Variants in SARDH observed in about 807,000 individuals in gnomAD.
The protein encoded by SARDH is sarcosine dehydrogenase, mitochondrial.
Under a neutral mutation model 109.1 loss-of-function variants are expected in SARDH, and 95 were observed. The ratio of observed to expected loss-of-function variants is 0.87; its 90% confidence interval spans 0.74 to 1.03. The LOEUF is 1.03. SARDH is among the 50% of genes least tolerant of loss of function. SARDH has a pLI of 0.00. For synonymous variants in SARDH, 572 were observed against 534.8 expected, an observed-to-expected ratio of 1.07 and a Z score of -0.96; for missense variants, 1,267 against 1,287.8, an observed-to-expected ratio of 0.98 and a Z score of 0.25.
At chr9:133,700,398 C>T (rs149619135) in intron 13 of SARDH, among the ~76,000 whole-genome samples, 251 of 151,448 alleles carry the variant, frequency 1.7e-3, no homozygotes, top group African/African-American at 5.9e-3. Context: ...ACACACACTA[C>T]GACATGAATG....
chr9:133,660,192 G>A (rs541366303), downstream of SARDH, among the ~76,000 whole-genome samples: 173 of 152,036 alleles, frequency 1.1e-3, no homozygotes, highest in Non-Finnish European at 2.0e-3. Flanking sequence ...GCGTAACCCC[G>A]TGGTTGCTGA....
intron 20 of SARDH, among the ~76,000 whole-genome samples, chr9:133,665,993 A>G (rs1457578223): frequency 6.6e-6 from 1 of 152,166 alleles, no homozygotes; most frequent in Non-Finnish European, 1.5e-5. Context: ...AAGATGGGAA[A>G]AGGAGGTGGA....
intron 3 of SARDH, among the ~76,000 whole-genome samples, 193 bp downstream of exon 3, chr9:133,732,230 T>G (rs888544494): frequency 6.6e-6 from 1 of 151,190 alleles, no homozygotes; most frequent in Non-Finnish European, 1.5e-5. Flanking sequence ...GGAAGCAGAC[T>G]CATCCACACG....
downstream of SARDH, among the ~76,000 whole-genome samples, chr9:133,662,341 G>A (rs1026069671): frequency 2.6e-5 from 4 of 152,128 alleles, no homozygotes; most frequent in Admixed American, 6.5e-5. This position sits in a 1 kb window ranked among gnomAD's most constrained non-coding sequence, Gnocchi z 5.1. Flanking sequence ...TGTGGTCACC[G>A]GCCCAATCCA....
At chr9:133,681,912 TC>T (rs950443975) in intron 17 of SARDH, among the ~76,000 whole-genome samples, 3 of 133,280 alleles carry the variant, frequency 2.3e-5, no homozygotes, top group Non-Finnish European at 5.0e-5. Context: ...GTGTTTCCCC[TC>T]CCCCCCATCC....
intron 2 of SARDH, among the ~76,000 whole-genome samples, chr9:133,733,096 G>C (rs1191792216): frequency 6.6e-6 from 1 of 152,212 alleles, no homozygotes; most frequent in Non-Finnish European, 1.5e-5. Context: ...CTGGCGAAAC[G>C]TCAGGGAAGA....
chr9:133,671,286 G>A (rs1188368742), intron 18 of SARDH, among the ~76,000 whole-genome samples: 1 of 152,122 alleles, frequency 6.6e-6, no homozygotes, highest in African/African-American at 2.4e-5. Flanking sequence ...GAGTTCAGGT[G>A]TGTGTAGGTG....
rs949279165 is a variant in SARDH, at chr9:133,728,902, G to A, written c.915+863C>T. Among the ~76,000 whole-genome samples, 5 of 152,080 alleles carry A rather than the reference G, an allele frequency of 3.3e-5. No homozygotes were observed. Among genetic ancestry groups the A allele is most frequent in the African/African-American group, 1.2e-4 (5 of 41,386 alleles). ...AGTTTAGGTGGGTGGGTGGATGGAA[G>A]GATATATGAAAGAAGGGATGGACAG... is the stretch of plus-strand genomic sequence containing the variant. On this transcript the variant is annotated intron_variant, in intron 6 of 20. Coordinates refer to ENST00000439388, the MANE Select transcript of SARDH (RefSeq NM_001134707.2). The surrounding 1 kb of genome is among the most constrained non-coding windows in gnomAD (Gnocchi z 5.0).
Position 133,702,897 on chromosome 9 carries a change from G to A in SARDH, c.1668+19C>T. On this transcript the variant is annotated intron_variant, in intron 13 of 20. Coordinates refer to ENST00000439388, the MANE Select transcript of SARDH (RefSeq NM_001134707.2). ...ACAGGCAGAAGGACGGACCCCCACGGTGGACCCCAGCTACGCACCGTGTCG... is the reference window on the plus strand; with the variant it reads ...ACAGGCAGAAGGACGGACCCCCACGATGGACCCCAGCTACGCACCGTGTCG... 3 of 1,606,814 alleles carry A rather than the reference G, an allele frequency of 1.9e-6. No homozygotes were observed. The highest frequency in any genetic ancestry group is 2.5e-6 in the Non-Finnish European group (3 of 1,177,326).
Position 133,733,864 on chromosome 9 carries a change from C to T in SARDH, c.310G>A (p.Gly104Arg), listed in dbSNP as rs750973482. The change falls in exon 2 of 21, where the codon GGG becomes AGG. Residue 104 changes from glycine (G) to arginine (R), a missense_variant. By Grantham distance (125) the Gly-to-Arg change is moderately radical (BLOSUM62 -2). Transcript: ENST00000439388. ...CTACCTGCCGTGTGCCAGGTGGTCC[C>T]GGAGGTCAGCCGCTCCCGCTCCAGC... The part of the protein sequence containing the change: ...VLLERERLTS[G>R]TTWHTAGLLW... 9 of 1,478,282 alleles carry T rather than the reference C, an allele frequency of 6.1e-6. No homozygotes were observed. In the East Asian group the frequency reaches 9.8e-5, roughly 16 times the overall value. The allele number at this position is 1,478,282 out of a possible 1,614,324, so 91.6% of individuals were successfully genotyped here. A position where few individuals can be genotyped will look rare whatever the true frequency, so the allele number is the denominator to read the frequency against.
intron 20 of SARDH, among the ~76,000 whole-genome samples, 172 bp from the exon 21 acceptor site, chr9:133,664,186 G>A (rs1829977752): frequency 6.6e-6 from 1 of 152,218 alleles, no homozygotes; most frequent in African/African-American, 2.4e-5. Flanking sequence ...AGCAGGTGCA[G>A]TTCGTGTCCA....
intron 10 of SARDH, among the ~76,000 whole-genome samples, chr9:133,711,812 C>T (rs1270413161): frequency 1.3e-5 from 2 of 152,178 alleles, no homozygotes; most frequent in Admixed American, 6.5e-5. Flanking sequence ...TCCAAGCCGT[C>T]CTGCCTCGAC....
intron 14 of SARDH, 147 bp downstream of exon 14, chr9:133,696,075 GA>G: frequency 1.3e-6 from 1 of 788,502 alleles, no homozygotes; most frequent in South Asian, 1.7e-5. Flanking sequence ...AAGGGGGCCG[GA>G]CGGGGGGGAG....
At chr9:133,670,837 A>AC in intron 18 of SARDH, 85 bp from the exon 19 acceptor site, 1 of 1,414,986 alleles carries the variant, frequency 7.1e-7, no homozygotes. Flanking sequence ...GCCTAAACCC[A>AC]CCCCCTCCAG....
At chr9:133,667,572 CA>C (rs796833527) in intron 19 of SARDH, among the ~76,000 whole-genome samples, 490 of 138,096 alleles carry the variant, frequency 3.5e-3, no homozygotes, top group Middle Eastern at 7.2e-3. Context: ...AGCAGGAAGA[CA>C]AAAAAAAAAA....
intron 14 of SARDH, among the ~76,000 whole-genome samples, chr9:133,695,286 T>C (rs1428482473): frequency 1.3e-5 from 2 of 151,874 alleles, no homozygotes; most frequent in Non-Finnish European, 2.9e-5. Flanking sequence ...CTACTAAAAA[T>C]AGAAAAAATA....
intron 6 of SARDH, among the ~76,000 whole-genome samples, chr9:133,719,827 A>T (rs1832261907): frequency 6.6e-6 from 1 of 152,014 alleles, no homozygotes; most frequent in Non-Finnish European, 1.5e-5. Flanking sequence ...AAACAAAACC[A>T]CAGGCCAGGC....
intron 14 of SARDH, among the ~76,000 whole-genome samples, chr9:133,695,908 G>T (rs1447980147): frequency 6.6e-6 from 1 of 152,290 alleles, no homozygotes; most frequent in East Asian, 1.9e-4. Context: ...GCATGGGGGG[G>T]ACTGGGCCCC....
intron 13 of SARDH, among the ~76,000 whole-genome samples, chr9:133,698,856 G>C (rs1831379816): frequency 6.6e-6 from 1 of 152,170 alleles, no homozygotes; most frequent in Non-Finnish European, 1.5e-5. Flanking sequence ...CCTTCGGTTA[G>C]GTTCTTAGAC....
Sources: gnomAD v4.1 joint callset for allele counts (sites outside exome capture counted in the v4.1 genomes callset) on GRCh38, gnomAD v4.1.1 for gene constraint, Gnocchi (gnomAD v3.1) non-coding constraint, MANE v1.5 for transcripts, NCBI Gene and HGNC (gene_info 2026-07-23, HGNC 2026-07-21) for gene names.